TMEM255B: variants seen among roughly 807,000 people sequenced by gnomAD.
The protein encoded by TMEM255B is family with sequence similarity 70, member B.
Under a neutral mutation model 34.5 loss-of-function variants are expected in TMEM255B, and 35 were observed. The observed-to-expected ratio is 1.01, with a 90% CI of 0.77 to 1.34. The LOEUF is 1.34. Among genes scored for constraint, TMEM255B ranks in the 40% most tolerant of loss-of-function variants. The pLI is 0.00. For synonymous variants in TMEM255B, 206 were observed against 201.2 expected, an observed-to-expected ratio of 1.02 and a Z score of -0.20; for missense variants, 432 against 433.2, an observed-to-expected ratio of 1.00 and a Z score of 0.02.
chr13:113,810,086 C>T (rs2051270381), intron 8 of TMEM255B, among the ~76,000 whole-genome samples: 1 of 152,178 alleles, frequency 6.6e-6, no homozygotes. Context: ...AGAGGTCCTG[C>T]TAGCTCCCAG....
At chr13:113,760,159 A>T (rs1162727855) in intron 1 of TMEM255B, among the ~76,000 whole-genome samples, 1 of 152,196 alleles carries the variant, frequency 6.6e-6, no homozygotes, top group Non-Finnish European at 1.5e-5. Flanking sequence ...AATCCAACAC[A>T]AACTTCTGGG....
At chr13:113,772,307 A>T (rs569350942) in intron 3 of TMEM255B, among the ~76,000 whole-genome samples, 1 of 152,288 alleles carries the variant, frequency 6.6e-6, no homozygotes, top group African/African-American at 2.4e-5. Context: ...CACTTTCTTA[A>T]TGGTGTCCTT....
At chr13:113,780,641 C>T (rs2050652809) in intron 3 of TMEM255B, among the ~76,000 whole-genome samples, 1 of 152,218 alleles carries the variant, frequency 6.6e-6, no homozygotes. Context: ...AACATTTTAG[C>T]TCTTCAAGAG....
chr13:113,812,096 C>G lies in TMEM255B; in HGVS notation c.*193C>G. 1.5e-6 allele frequency: 1 copy of G among 687,864 alleles called. No individual in the cohort carries two copies. The highest frequency in any genetic ancestry group is 2.4e-6 in the Non-Finnish European group (1 of 424,026). The allele number at this position is 687,864 out of a possible 1,614,324, so 42.6% of individuals were successfully genotyped here. A position where few individuals can be genotyped will look rare whatever the true frequency, so the allele number is the denominator to read the frequency against. On this transcript the variant is annotated 3_prime_UTR_variant, in exon 9 of 9. Coordinates refer to ENST00000375353, the MANE Select transcript of TMEM255B (RefSeq NM_182614.4). ...GGCAGGGAGTGGGGCCCTCCAGACCCAGGCTGGTGACACCTTGGCTTGGGC... is the reference window on the plus strand; with the variant it reads ...GGCAGGGAGTGGGGCCCTCCAGACCGAGGCTGGTGACACCTTGGCTTGGGC...
chr13:113,791,113 G>C (rs2050825960), intron 3 of TMEM255B, among the ~76,000 whole-genome samples: 2 of 152,228 alleles, frequency 1.3e-5, no homozygotes, highest in Admixed American at 1.3e-4. Context: ...TTGGGTGGGG[G>C]TGAAATATGA....
chr13:113,800,038 C>A (rs2051014215), intron 5 of TMEM255B: 2 of 1,217,278 alleles, frequency 1.6e-6, no homozygotes, highest in Admixed American at 2.8e-5. Context: ...TTGTCTGGGA[C>A]TCTCCAGCAG....
chr13:113,791,136 G>C (rs1384579749), intron 3 of TMEM255B, among the ~76,000 whole-genome samples: 1 of 152,174 alleles, frequency 6.6e-6, no homozygotes, highest in Non-Finnish European at 1.5e-5. Flanking sequence ...ACCTCTCAAC[G>C]GTCTGGGCCT....
At chr13:113,779,407 G>A (rs2050632566) in intron 3 of TMEM255B, among the ~76,000 whole-genome samples, 1 of 152,210 alleles carries the variant, frequency 6.6e-6, no homozygotes, top group Non-Finnish European at 1.5e-5. Context: ...GGGGCTTAGA[G>A]GCAGCATCTG....
At chr13:113,779,657 C>T (rs1007824282) in intron 3 of TMEM255B, among the ~76,000 whole-genome samples, 2 of 152,178 alleles carry the variant, frequency 1.3e-5, no homozygotes, top group Admixed American at 1.3e-4. Context: ...TCTGCTGATA[C>T]ATCTCGTCTT....
intron 3 of TMEM255B, among the ~76,000 whole-genome samples, chr13:113,782,613 G>A (rs2050680427): frequency 6.6e-6 from 1 of 150,764 alleles, no homozygotes; most frequent in Admixed American, 6.6e-5. Context: ...GCAGGATCCG[G>A]GCACCCTCAG....
chr13:113,773,560 A>G (rs775226758), intron 3 of TMEM255B, among the ~76,000 whole-genome samples: 1 of 152,246 alleles, frequency 6.6e-6, no homozygotes, highest in Non-Finnish European at 1.5e-5. Flanking sequence ...AGGCACCCGG[A>G]TGCCCCAGAC....
intron 1 of TMEM255B, among the ~76,000 whole-genome samples, chr13:113,761,799 G>A (rs1440259322): frequency 1.3e-5 from 2 of 152,214 alleles, no homozygotes; most frequent in Non-Finnish European, 2.9e-5. Flanking sequence ...TCAGGAGACT[G>A]AAGTGCCTTC....
chr13:113,800,797 A>G, intron 5 of TMEM255B, 30 bp from the exon 6 acceptor site: 1 of 1,583,870 alleles, frequency 6.3e-7, no homozygotes, highest in Non-Finnish European at 8.6e-7. Context: ...GGGCACCGGC[A>G]TGTGACCTGA....
At chr13:113,783,050 A>AT (rs898600744) in intron 3 of TMEM255B, among the ~76,000 whole-genome samples, 7 of 151,462 alleles carry the variant, frequency 4.6e-5, no homozygotes, top group African/African-American at 1.5e-4. Flanking sequence ...AATTTTTATA[A>AT]TTTTTTCTGG....
rs140117605 is a variant in TMEM255B, at chr13:113,795,162, C to T, written c.267C>T (p.Ile89=). ...TTCTGTTGCAGCTGGTGGCAGCGAT[C>T]GTGTTTATCAGTTTTGGCGTGGTGG... is the stretch of plus-strand genomic sequence containing the variant. ...ENRRQMLVAA[I]VFISFGVVAA... The change falls in exon 4 of 9, where the codon ATC becomes ATT. Residue 89 remains isoleucine, a synonymous_variant. Coordinates refer to ENST00000375353, the MANE Select transcript of TMEM255B (RefSeq NM_182614.4). The T allele has an allele frequency of 1.7e-5, 28 of 1,613,810 alleles. No individual in the cohort carries two copies. The highest frequency in any genetic ancestry group is 1.7e-4 in the Middle Eastern group (1 of 6,058).
chr13:113,786,414 C>A (rs944854205), intron 3 of TMEM255B, among the ~76,000 whole-genome samples: 1 of 152,006 alleles, frequency 6.6e-6, no homozygotes, highest in Non-Finnish European at 1.5e-5. Flanking sequence ...ACTGTCATCA[C>A]TGTCATCACC....
At chr13:113,771,065 G>A (rs1461068117) in intron 3 of TMEM255B, among the ~76,000 whole-genome samples, 1 of 152,148 alleles carries the variant, frequency 6.6e-6, no homozygotes, top group Non-Finnish European at 1.5e-5. Flanking sequence ...ATGGTTTTTA[G>A]TGTATTCCCA....
intron 3 of TMEM255B, among the ~76,000 whole-genome samples, chr13:113,774,332 T>A (rs1019555379): frequency 6.6e-6 from 1 of 152,226 alleles, no homozygotes; most frequent in Non-Finnish European, 1.5e-5. Flanking sequence ...TTTCCACTGC[T>A]GAATGAGTTA....
Position 113,809,622 on chromosome 13 carries a change from C to T in TMEM255B, c.814-2114C>T, listed in dbSNP as rs150727384. ...TTACTCCGTGGTTCCTGAGAGTTTA[C>T]TCCATGGTTCCTGGGGGTTTACTCC... On this transcript the variant is annotated intron_variant, in intron 8 of 8. Transcript: ENST00000375353. Among the ~76,000 whole-genome samples, 43 of 145,466 alleles carry T rather than the reference C, an allele frequency of 3.0e-4. 1 individual carries two copies. In the East Asian group the frequency reaches 7.5e-3, roughly 25 times the overall value.
Sources: gnomAD v4.1 joint callset for allele counts (sites outside exome capture counted in the v4.1 genomes callset) on GRCh38, gnomAD v4.1.1 for gene constraint, MANE v1.5 for transcripts, NCBI Gene and HGNC (gene_info 2026-07-23, HGNC 2026-07-21) for gene names.